ABCC5: variants seen among roughly 807,000 people sequenced by gnomAD.
ABCC5 encodes ATP binding cassette subfamily C member 5.
Under a neutral mutation model 160.9 loss-of-function variants are expected in ABCC5, and 61 were observed. That is an observed-to-expected ratio of 0.38 (90% confidence interval 0.31 to 0.47). ABCC5 has a LOEUF of 0.47. Ranked by LOEUF, ABCC5 falls within the 20% of genes least tolerant of loss-of-function variation. The pLI is 0.99. For missense variants in ABCC5, 1,308 were observed against 1,813.3 expected (o/e 0.72, Z 5.06); for synonymous variants, 666 against 700.6 (o/e 0.95, Z 0.78).
At chr3:183,942,682 C>T (rs373850888) in intron 25 of ABCC5, 45 bp downstream of exon 25, 2 of 1,587,270 alleles carry the variant, frequency 1.3e-6, no homozygotes, top group African/African-American at 2.7e-5. Flanking sequence ...ATTTCATAAA[C>T]TGCTACGTTC....
chr3:183,984,432 C>G, intron 5 of ABCC5: 1 of 1,007,248 alleles, frequency 9.9e-7, no homozygotes, highest in Non-Finnish European at 1.2e-6. Flanking sequence ...AGCTGAATGA[C>G]AGACAAAAAT....
At chr3:184,009,941 G>A (rs943357001) in intron 2 of ABCC5, 7 of 429,328 alleles carry the variant, frequency 1.6e-5, no homozygotes, top group Non-Finnish European at 3.3e-5. Flanking sequence ...TTGAAGCTGG[G>A]AGTTCAACAA....
chr3:183,990,310 T>C (rs1307700660), intron 2 of ABCC5, among the ~76,000 whole-genome samples: 1 of 152,140 alleles, frequency 6.6e-6, no homozygotes, highest in Non-Finnish European at 1.5e-5. Flanking sequence ...TTTCACCATG[T>C]TGGCCAGGAT....
chr3:183,972,014 A>G, intron 10 of ABCC5, 95 bp from the exon 11 acceptor site: 1 of 1,594,490 alleles, frequency 6.3e-7, no homozygotes, highest in South Asian at 1.1e-5. Flanking sequence ...AAAACACATC[A>G]GGCTATACAG....
Position 183,990,984 on chromosome 3 carries a change from T to G in ABCC5, c.130-1601A>C, listed in dbSNP as rs535074500. On this transcript the variant is annotated intron_variant, in intron 2 of 29. Transcript: ENST00000334444. ...AGTGAAAGTCACATTATTACAAATA[T>G]TTCCAGCAATTATTGTGAAACAGTA... Among the ~76,000 whole-genome samples, 5 of 152,286 alleles carry G rather than the reference T, an allele frequency of 3.3e-5. No homozygotes were observed. In the East Asian group the frequency reaches 9.6e-4, roughly 29 times the overall value.
At chr3:183,938,273 T>C (rs938614577) in intron 25 of ABCC5, among the ~76,000 whole-genome samples, 1 of 152,156 alleles carries the variant, frequency 6.6e-6, no homozygotes, top group Non-Finnish European at 1.5e-5. Context: ...AGCTTCAGCC[T>C]GAGAAGGAAG....
intron 2 of ABCC5, among the ~76,000 whole-genome samples, chr3:183,995,840 C>T (rs1279496428): frequency 6.6e-6 from 1 of 152,078 alleles, no homozygotes; most frequent in Non-Finnish European, 1.5e-5. Context: ...CAGAGTCTCA[C>T]TCTGTCGCCC....
rs1715116538 is a variant in ABCC5 at position 183,949,191 on chromosome 3, C to T, written c.3227+562G>A. 6.6e-6 allele frequency among the ~76,000 whole-genome samples: 1 copy of T among 152,184 alleles called. No individual in the cohort carries two copies. Among genetic ancestry groups the T allele is most frequent in the African/African-American group, 2.4e-5 (1 of 41,440 alleles). On this transcript the variant is annotated intron_variant, in intron 22 of 29. Coordinates refer to ENST00000334444, the MANE Select transcript of ABCC5 (RefSeq NM_005688.4). This position sits in a 1 kb window ranked among gnomAD's most constrained non-coding sequence, Gnocchi z 4.2. ...TATGGATATACCATAGCTTATTCAA[C>T]CTGTCCTATATTGAAGAACATTTTA...
At chr3:183,964,776 C>G (rs1279204018) in intron 14 of ABCC5, among the ~76,000 whole-genome samples, 1 of 152,048 alleles carries the variant, frequency 6.6e-6, no homozygotes, top group African/African-American at 2.4e-5. Context: ...GGGCAGAGAC[C>G]CAAAGAAATG....
chr3:184,000,023 G>A (rs956707635), intron 2 of ABCC5, among the ~76,000 whole-genome samples: 5 of 151,974 alleles, frequency 3.3e-5, no homozygotes, highest in East Asian at 1.9e-4. Flanking sequence ...ACTTTTTTGC[G>A]TAAGGAAATT....
At position 183,982,636 on chromosome 3, in the gene ABCC5, A is replaced by G; in HGVS notation, c.826-12T>C. On this transcript the variant is annotated splice_polypyrimidine_tract_variant and intron_variant, in intron 6 of 29. Coordinates refer to ENST00000334444, the MANE Select transcript of ABCC5 (RefSeq NM_005688.4). This position sits in a 1 kb window ranked among gnomAD's most constrained non-coding sequence, Gnocchi z 5.2. ...CAAATGTTGATGAGCTATAAGATAC[A>G]AAGAGTAGTGAGGGGACCCTGCAAG... The G allele has an allele frequency of 6.2e-7, 1 of 1,614,018 alleles. No individual in the cohort carries two copies. The highest frequency in any genetic ancestry group is 8.5e-7 in the Non-Finnish European group (1 of 1,179,934).
At chr3:183,972,016 G>A in intron 10 of ABCC5, 97 bp from the exon 11 acceptor site, 2 of 1,593,168 alleles carry the variant, frequency 1.3e-6, no homozygotes, top group Non-Finnish European at 1.7e-6. Context: ...AACACATCAG[G>A]CTATACAGTG....
At chr3:183,966,508 C>T (rs561202632) in intron 12 of ABCC5, among the ~76,000 whole-genome samples, 15 of 152,346 alleles carry the variant, frequency 9.8e-5, no homozygotes, top group African/African-American at 3.6e-4. Context: ...TGGTTTTCAA[C>T]CTAACCACTG....
chr3:183,998,086 G>A (rs1415982844), intron 2 of ABCC5, among the ~76,000 whole-genome samples: 1 of 151,994 alleles, frequency 6.6e-6, no homozygotes, highest in African/African-American at 2.4e-5. Flanking sequence ...TCCACACCCA[G>A]CTTTTGCTTA....
intron 10 of ABCC5, 153 bp from the exon 11 acceptor site, chr3:183,972,072 C>T (rs762940700): frequency 6.6e-7 from 1 of 1,507,918 alleles, no homozygotes; most frequent in Non-Finnish European, 8.9e-7. Context: ...GCAGCCCAAT[C>T]TCAGGCCCAT....
At position 183,949,351 on chromosome 3, in the gene ABCC5, ACT is replaced by A. The variant is rs1416544970; in HGVS notation, c.3227+400_3227+401del. Among the ~76,000 whole-genome samples the A allele has an allele frequency of 6.6e-6, 1 of 152,184 alleles. No individual in the cohort carries two copies. The highest frequency in any genetic ancestry group is 1.5e-5 in the Non-Finnish European group (1 of 68,028). On this transcript the variant is annotated intron_variant, in intron 22 of 29. Transcript: ENST00000334444. The surrounding 1 kb of genome is among the most constrained non-coding windows in gnomAD (Gnocchi z 4.2). ...TTTACTACTTAAAAGAAAAAGCAAA[ACT>A]CTATGAAATATAGCTTTTCAGGGCC...
At chr3:184,003,498 G>A (rs1178066643) in intron 2 of ABCC5, among the ~76,000 whole-genome samples, 1 of 152,166 alleles carries the variant, frequency 6.6e-6, no homozygotes, top group Non-Finnish European at 1.5e-5. Flanking sequence ...CCTATATGGG[G>A]AAGAAGCAGA....
At chr3:183,947,752 C>T (rs529190038) in intron 22 of ABCC5, among the ~76,000 whole-genome samples, 7 of 152,118 alleles carry the variant, frequency 4.6e-5, no homozygotes, top group Non-Finnish European at 1.0e-4. Flanking sequence ...AAAAAAAATC[C>T]TATTAAAGAT....
chr3:183,977,520 A>C lies in ABCC5; in HGVS notation c.1401T>G (p.Phe467Leu). ...GGCAGGGGAAGGAGCCACTTACCTT[A>C]AATCTGTCAACAGCCACTGAGGCTT... ...LSEASVAVDRFKSLFLMEEVH... is the reference protein window; with the variant it reads ...LSEASVAVDRLKSLFLMEEVH... Residue 467 changes from phenylalanine (F) to leucine (L), a missense_variant, in exon 10 of 30, where the codon TTT (phenylalanine) becomes TTG (leucine). This residue lies in a region of ABCC5 where 1,142 missense variants were observed against 1,527.1 expected (regional missense o/e 0.75). Coordinates refer to ENST00000334444, the MANE Select transcript of ABCC5 (RefSeq NM_005688.4). 6.2e-7 allele frequency: 1 copy of C among 1,611,578 alleles called. No homozygotes were observed. Among genetic ancestry groups the C allele is most frequent in the Admixed American group, 1.7e-5 (1 of 59,988 alleles).
Sources: gnomAD v4.1 joint callset for allele counts (sites outside exome capture counted in the v4.1 genomes callset) on GRCh38, gnomAD v4.1.1 for gene constraint, gnomAD v4.1.1 regional missense constraint, Gnocchi (gnomAD v3.1) non-coding constraint, MANE v1.5 for transcripts, NCBI Gene and HGNC (gene_info 2026-07-23, HGNC 2026-07-21) for gene names.